The following IFT122 variants were observed in gnomAD, a reference collection of about 807,000 sequenced individuals.
The protein encoded by IFT122 is intraflagellar transport protein 122 homolog.
Under a neutral mutation model 161.6 loss-of-function variants are expected in IFT122, and 118 were observed. The observed-to-expected ratio is 0.73, with a 90% CI of 0.63 to 0.85. IFT122 has a LOEUF of 0.85. Among genes scored for constraint, IFT122 ranks in the 40% least tolerant of loss-of-function variants. The pLI is 0.00. For synonymous variants in IFT122, 550 were observed against 602.4 expected (o/e 0.91, Z 1.27); for missense variants, 1,381 against 1,579.6 (o/e 0.87, Z 2.13).
intron 12 of IFT122, 58 bp from the exon 13 acceptor site, chr3:129,479,727 G>A: frequency 6.2e-7 from 1 of 1,609,800 alleles, no homozygotes; most frequent in East Asian, 2.2e-5. Flanking sequence ...TCTCCTTGGG[G>A]AGGTCTGGGG....
chr3:129,519,086 T>C, intron 27 of IFT122, 21 bp from the exon 28 acceptor site: 1 of 1,609,334 alleles, frequency 6.2e-7, no homozygotes, highest in Non-Finnish European at 8.5e-7. Context: ...TCTGATTCCA[T>C]CCTTGACCAG....
chr3:129,495,359 A>C, intron 17 of IFT122, 87 bp from the exon 18 acceptor site: 1 of 1,556,832 alleles, frequency 6.4e-7, no homozygotes, highest in Non-Finnish European at 8.7e-7. Context: ...CAGGGGCCTC[A>C]CTTGAAATAG....
chr3:129,517,243 CCCTGCACACACACACATTGCT>C (rs2108702597), intron 26 of IFT122, among the ~76,000 whole-genome samples: 1 of 147,376 alleles, frequency 6.8e-6, no homozygotes, highest in South Asian at 2.1e-4. Flanking sequence ...CAGAAACTGC[CCCTGCACACACACACATTGCT>C]CCTGCACACA....
At chr3:129,505,055 G>A (rs550540119) in intron 21 of IFT122, among the ~76,000 whole-genome samples, 29 of 152,298 alleles carry the variant, frequency 1.9e-4, no homozygotes, top group Middle Eastern at 6.8e-3. Context: ...TAGAACTTTC[G>A]CTGATGTTAT....
At chr3:129,450,212 C>G (rs531333075) in intron 2 of IFT122, among the ~76,000 whole-genome samples, 1 of 152,236 alleles carries the variant, frequency 6.6e-6, no homozygotes, top group East Asian at 1.9e-4. Context: ...AATCACAATG[C>G]CTTTGAAACT....
intron 17 of IFT122, among the ~76,000 whole-genome samples, chr3:129,492,738 T>A (rs975843543): frequency 1.3e-5 from 2 of 151,902 alleles, no homozygotes; most frequent in Non-Finnish European, 2.9e-5. Flanking sequence ...CCAAACCCAA[T>A]AGGCCTGCAG....
chr3:129,498,189 G>T (rs2081114668), intron 18 of IFT122, among the ~76,000 whole-genome samples: 2 of 152,218 alleles, frequency 1.3e-5, no homozygotes, highest in African/African-American at 4.8e-5. Flanking sequence ...CTTCAATGAA[G>T]TCACAGCTCC....
At chr3:129,491,974 G>A (rs1386568284) in intron 16 of IFT122, among the ~76,000 whole-genome samples, 167 bp from the exon 17 acceptor site, 1 of 152,106 alleles carries the variant, frequency 6.6e-6, no homozygotes, top group African/African-American at 2.4e-5. Context: ...GCCATGCCTC[G>A]CTGGGTGGTA....
At chr3:129,508,279 A>G (rs2082395551) in intron 23 of IFT122, among the ~76,000 whole-genome samples, 1 of 152,200 alleles carries the variant, frequency 6.6e-6, no homozygotes, top group African/African-American at 2.4e-5. Flanking sequence ...TGAGAAAGCC[A>G]TTTTAAATCT....
intron 9 of IFT122, among the ~76,000 whole-genome samples, chr3:129,470,432 A>AT (rs2077248290): frequency 1.4e-5 from 2 of 147,742 alleles, no homozygotes; most frequent in East Asian, 4.1e-4. Flanking sequence ...CCTGGCTAAT[A>AT]TTTTTTGTAT....
chr3:129,516,458 A>ACCGC (rs2083660779), intron 26 of IFT122, among the ~76,000 whole-genome samples: 1 of 140,614 alleles, frequency 7.1e-6, no homozygotes, highest in South Asian at 2.4e-4. Context: ...ACACACAGAG[A>ACCGC]CCGCCCCTGC....
At chr3:129,514,640 G>T in intron 25 of IFT122, 86 bp downstream of exon 25, 1 of 1,485,728 alleles carries the variant, frequency 6.7e-7, no homozygotes, top group South Asian at 1.1e-5. Context: ...GGTTCCGTTT[G>T]AAGAGAGACA....
chr3:129,498,172 G>T (rs1437285414), intron 18 of IFT122, among the ~76,000 whole-genome samples: 2 of 152,200 alleles, frequency 1.3e-5, no homozygotes, highest in Non-Finnish European at 2.9e-5. Context: ...GAAGCTTTTA[G>T]ACCCAGCTTC....
intron 16 of IFT122, among the ~76,000 whole-genome samples, chr3:129,491,250 G>A (rs1197642780): frequency 2.0e-5 from 3 of 152,226 alleles, no homozygotes; most frequent in Non-Finnish European, 4.4e-5. Context: ...GAGGCTGCAA[G>A]TGGTCAGGAT....
rs1228204467 is a variant in IFT122, at chr3:129,463,598, A to T, written c.388A>T (p.Lys130Ter). ...SPEQKSVSKH[K>*]SSSKIICCSW... ...TGAACAGAAGTCTGTCTCCAAACAC[A>T]AATCAAGCAGCAAGATCATCTGCTG... Residue 130 changes from lysine to a stop codon, truncating the protein, a stop_gained, in exon 6 of 30, where the codon AAA (lysine) becomes TAA (stop). Transcript: ENST00000348417. LOFTEE classifies it high-confidence loss of function. 1 of 1,613,976 alleles carries T rather than the reference A, an allele frequency of 6.2e-7. No homozygotes were observed. The highest frequency in any genetic ancestry group is 8.5e-7 in the Non-Finnish European group (1 of 1,179,928).
At chr3:129,492,936 G>A (rs1274140546) in intron 17 of IFT122, among the ~76,000 whole-genome samples, 1 of 149,322 alleles carries the variant, frequency 6.7e-6, no homozygotes, top group East Asian at 2.0e-4. Flanking sequence ...CTCCCACCTA[G>A]CCTCCCAAGT....
At position 129,466,306 on chromosome 3, in the gene IFT122, A is replaced by G. The variant is rs758257397; in HGVS notation, c.564-584A>G. 6.6e-5 allele frequency among the ~76,000 whole-genome samples: 10 copies of G among 152,058 alleles called. No individual in the cohort carries two copies. In the East Asian group the frequency reaches 9.7e-4, roughly 15 times the overall value. ...AATTTTTTTTGGCCCATGCTGTACCATGCATGTCTAATGCTGTCAAAGGCC... is the reference window on the plus strand; with the variant it reads ...AATTTTTTTTGGCCCATGCTGTACCGTGCATGTCTAATGCTGTCAAAGGCC... On this transcript the variant is annotated intron_variant, in intron 7 of 29. Coordinates refer to ENST00000348417, the MANE Select transcript of IFT122 (RefSeq NM_052989.3).
intron 23 of IFT122, among the ~76,000 whole-genome samples, chr3:129,508,346 A>G (rs1263127492): frequency 1.3e-5 from 2 of 152,194 alleles, no homozygotes; most frequent in Non-Finnish European, 2.9e-5. Context: ...CATCCACTGT[A>G]TCTCCTCAAT....
At chr3:129,477,503 A>G (rs931826374) in intron 11 of IFT122, among the ~76,000 whole-genome samples, 4 of 152,288 alleles carry the variant, frequency 2.6e-5, no homozygotes, top group East Asian at 1.9e-4. Flanking sequence ...GGGGGACCCT[A>G]TCTTTTTGAA....
Sources: allele counts gnomAD v4.1 joint callset (sites outside exome capture counted in the v4.1 genomes callset), GRCh38; gene constraint gnomAD v4.1.1; transcripts MANE v1.5; gene names NCBI Gene and HGNC (gene_info 2026-07-23, HGNC 2026-07-21).